Variants in WWC1 observed in about 807,000 individuals in gnomAD.
WWC1 encodes WW and C2 domain containing 1, also known as protein KIBRA.
In WWC1, 55 loss-of-function variants were observed where a neutral mutation model predicts 138.4. The observed-to-expected ratio is 0.40, with a 90% CI of 0.32 to 0.50. WWC1 has a LOEUF of 0.50. Ranked by LOEUF, WWC1 falls within the 20% of genes least tolerant of loss-of-function variation. The probability of loss-of-function intolerance (pLI) is 0.72; values close to 1 mark genes in which losing one functional copy is unlikely to be tolerated. For synonymous variants in WWC1, 524 were observed against 564.9 expected (o/e 0.93, Z 1.03); for missense variants, 1,226 against 1,420.4 (o/e 0.86, Z 2.20).
At chr5:168,326,828 G>A (rs1270796005) in intron 1 of WWC1, among the ~76,000 whole-genome samples, 3 of 152,184 alleles carry the variant, frequency 2.0e-5, no homozygotes, top group Admixed American at 6.5e-5. Flanking sequence ...GTGAGCCACC[G>A]TGCCCGGCCG....
chr5:168,303,880 CAA>C, intron 1 of WWC1, among the ~76,000 whole-genome samples: 1 of 152,076 alleles, frequency 6.6e-6, no homozygotes, highest in Non-Finnish European at 1.5e-5. Context: ...TGAGGAAAAG[CAA>C]ATCCCTCCTC....
intron 1 of WWC1, among the ~76,000 whole-genome samples, chr5:168,331,525 A>G (rs1382262874): frequency 6.6e-6 from 1 of 152,214 alleles, no homozygotes; most frequent in African/African-American, 2.4e-5. Context: ...GAAATTGTGT[A>G]TGTCCTACAG....
chr5:168,461,433 G>T (rs74954658), intron 20 of WWC1, among the ~76,000 whole-genome samples: 14 of 152,198 alleles, frequency 9.2e-5, no homozygotes, highest in African/African-American at 3.4e-4. Flanking sequence ...TGTGTCTGTC[G>T]TCCAGGTTCT....
intron 2 of WWC1, among the ~76,000 whole-genome samples, chr5:168,371,831 T>C (rs1776771371): frequency 6.6e-6 from 1 of 152,186 alleles, no homozygotes; most frequent in Admixed American, 6.5e-5. Context: ...CCAGAAATTT[T>C]CTAATCATGT....
At chr5:168,428,822 G>A in intron 13 of WWC1, 35 bp downstream of exon 13, 1 of 1,608,652 alleles carries the variant, frequency 6.2e-7, no homozygotes, top group Non-Finnish European at 8.5e-7. Context: ...AGAAGGAACG[G>A]TCTGTGTGGG....
At chr5:168,430,256 C>A in intron 14 of WWC1, 33 bp downstream of exon 14, 1 of 1,584,444 alleles carries the variant, frequency 6.3e-7, no homozygotes. Context: ...GTATTTCATA[C>A]CCTAACCCTC....
chr5:168,408,189 A>T (rs867965619), intron 6 of WWC1, among the ~76,000 whole-genome samples: 1 of 151,970 alleles, frequency 6.6e-6, no homozygotes, highest in Non-Finnish European at 1.5e-5. Flanking sequence ...AGGAGAGGAA[A>T]TTGAGGCAAA....
chr5:168,450,411 T>C (rs1021210589), intron 17 of WWC1, among the ~76,000 whole-genome samples: 1 of 152,170 alleles, frequency 6.6e-6, no homozygotes, highest in Non-Finnish European at 1.5e-5. Context: ...CTCACGCCTG[T>C]AATTTCAGCA....
At chr5:168,407,410 C>T (rs1779879651) in intron 6 of WWC1, among the ~76,000 whole-genome samples, 1 of 152,190 alleles carries the variant, frequency 6.6e-6, no homozygotes, top group Non-Finnish European at 1.5e-5. Context: ...CTGTACATAT[C>T]ACCTCCCTTT....
At chr5:168,305,128 ATTT>A (rs35062575) in intron 1 of WWC1, among the ~76,000 whole-genome samples, 4,548 of 136,220 alleles carry the variant, frequency 0.033, 204 homozygotes, top group African/African-American at 0.11. Context: ...CTGGCCCAGT[ATTT>A]TTTTTTTTTT....
chr5:168,298,186 A>G (rs1769733963), intron 1 of WWC1, among the ~76,000 whole-genome samples: 1 of 151,894 alleles, frequency 6.6e-6, no homozygotes, highest in African/African-American at 2.4e-5. Flanking sequence ...TTACAGGTGC[A>G]TGCCACCTCA....
At chr5:168,436,851 T>C (rs1440820704) in intron 15 of WWC1, among the ~76,000 whole-genome samples, 2 of 152,104 alleles carry the variant, frequency 1.3e-5, no homozygotes, top group African/African-American at 2.4e-5. Flanking sequence ...CTTCTGTCCT[T>C]TTCCCCTTCC....
rs758480535 is a variant in WWC1 at position 168,424,027 on chromosome 5, G to T, written c.1769G>T (p.Arg590Leu). ...SLGNSAQERYRLEEPGTEGKQ... is the reference protein window; with the variant it reads ...SLGNSAQERYLLEEPGTEGKQ... Reference sequence around the variant, plus strand: ...GGTAACAGCGCCCAGGAAAGATACCGGCTGGAGGAACCAGGAACGGAGGGC... The same window carrying T: ...GGTAACAGCGCCCAGGAAAGATACCTGCTGGAGGAACCAGGAACGGAGGGC... The change falls in exon 11 of 23, where the codon CGG becomes CTG. Residue 590 changes from arginine to leucine, a missense_variant. Arg to Leu is a moderately radical substitution (Grantham distance 102, BLOSUM62 -2). This residue lies in a region of WWC1 where 1,016 missense variants were observed against 1,153.9 expected (regional missense o/e 0.88). Transcript: ENST00000265293. 4 of 1,611,926 alleles carry T rather than the reference G, an allele frequency of 2.5e-6. No homozygotes were observed. The highest frequency in any genetic ancestry group is 1.1e-5 in the South Asian group (1 of 90,584).
intron 19 of WWC1, among the ~76,000 whole-genome samples, chr5:168,458,998 A>G (rs923783085): frequency 6.6e-6 from 1 of 152,184 alleles, no homozygotes; most frequent in African/African-American, 2.4e-5. Context: ...TCACATCTGT[A>G]ATCCCAGGAC....
intron 17 of WWC1, among the ~76,000 whole-genome samples, chr5:168,452,839 G>A (rs29001621): frequency 0.31 from 46,451 of 151,640 alleles, 8,354 homozygotes; most frequent in Middle Eastern, 0.45. Context: ...TCGTTCCAAC[G>A]TTTGGAAGCC....
chr5:168,404,698 C>G (rs540869730), intron 5 of WWC1, among the ~76,000 whole-genome samples: 1 of 152,118 alleles, frequency 6.6e-6, no homozygotes, highest in Non-Finnish European at 1.5e-5. Flanking sequence ...GTGGTGTTCC[C>G]GCAGACTGTA....
intron 17 of WWC1, among the ~76,000 whole-genome samples, chr5:168,452,136 C>T (rs1488927238): frequency 1.3e-5 from 2 of 152,038 alleles, no homozygotes; most frequent in Non-Finnish European, 2.9e-5. Context: ...GAACTCCTGA[C>T]CTGGGGTGAT....
chr5:168,349,700 C>T (rs746122759), intron 1 of WWC1, among the ~76,000 whole-genome samples: 30 of 152,154 alleles, frequency 2.0e-4, no homozygotes, highest in Non-Finnish European at 3.5e-4. Context: ...ACTGGCTCTC[C>T]TTCCCTTTGC....
intron 1 of WWC1, among the ~76,000 whole-genome samples, chr5:168,304,889 G>A (rs1770411448): frequency 6.6e-6 from 1 of 150,916 alleles, no homozygotes; most frequent in Non-Finnish European, 1.5e-5. Flanking sequence ...GCAATGGTGC[G>A]ACTTCAGTTC....
Sources: allele counts gnomAD v4.1 joint callset (sites outside exome capture counted in the v4.1 genomes callset), GRCh38; gene constraint gnomAD v4.1.1; regional missense constraint gnomAD v4.1.1; transcripts MANE v1.5; gene names NCBI Gene and HGNC (gene_info 2026-07-23, HGNC 2026-07-21).